The following FBXO40 variants were observed in gnomAD, a reference collection of about 807,000 sequenced individuals.
The protein encoded by FBXO40 is F-box only protein 40.
FBXO40 carries 50 observed loss-of-function variants against 49.9 expected under a neutral mutation model. The ratio of observed to expected loss-of-function variants is 1.00; its 90% CI spans 0.80 to 1.27. FBXO40 has a LOEUF of 1.27. FBXO40 is among the 50% of genes most tolerant of loss of function. The probability of loss-of-function intolerance (pLI) is 0.00; values close to 1 mark genes in which losing one functional copy is unlikely to be tolerated. For synonymous variants in FBXO40, 340 were observed against 320.2 expected, an observed-to-expected ratio of 1.06 and a Z score of -0.66; for missense variants, 895 against 870.1, an observed-to-expected ratio of 1.03 and a Z score of -0.36.
At position 121,622,179 on chromosome 3, in the gene FBXO40, GA is replaced by G; in HGVS notation, c.751del (p.Ile251PhefsTer8). 6.2e-7 allele frequency: 1 copy of G among 1,614,056 alleles called. No homozygotes were observed. On this transcript the variant is annotated frameshift_variant, in exon 3 of 4. Coordinates refer to ENST00000338040, the MANE Select transcript of FBXO40 (RefSeq NM_016298.4). LOFTEE classifies it high-confidence loss of function. ...ACAAGAATGACTCCGAGAAAGAACA[GA>G]TTTCCAGTGGCCATAACATGGTAGA... ...KNKNDSEKEQ[I>X]SSGHNMVEGE... is the part of the protein sequence containing the mutation.
At chr3:121,612,256 A>T (rs116127357) in intron 1 of FBXO40, among the ~76,000 whole-genome samples, 1 of 152,306 alleles carries the variant, frequency 6.6e-6, no homozygotes, top group Non-Finnish European at 1.5e-5. Context: ...TCCTGAAGAC[A>T]GCAAAGAGTC....
At chr3:121,615,469 CA>C (rs2048992252) in intron 1 of FBXO40, among the ~76,000 whole-genome samples, 1 of 148,658 alleles carries the variant, frequency 6.7e-6, no homozygotes, top group Non-Finnish European at 1.5e-5. Context: ...GTGGGAGAAT[CA>C]TTTGAACCCG....
intron 1 of FBXO40, among the ~76,000 whole-genome samples, chr3:121,614,256 C>T (rs868797723): frequency 1.7e-5 from 2 of 120,392 alleles, no homozygotes; most frequent in African/African-American, 6.7e-5. Flanking sequence ...GGTGACAGAG[C>T]GAGACTCTAG....
chr3:121,606,930 T>C (rs564960180), intron 1 of FBXO40, among the ~76,000 whole-genome samples: 1 of 152,200 alleles, frequency 6.6e-6, no homozygotes, highest in Admixed American at 6.5e-5. Context: ...TACTTTGCAA[T>C]CTTTCAGGTA....
At chr3:121,619,833 T>C (rs1020745345) in intron 1 of FBXO40, among the ~76,000 whole-genome samples, 4 of 152,098 alleles carry the variant, frequency 2.6e-5, no homozygotes, top group African/African-American at 9.7e-5. Flanking sequence ...CTAAACCATA[T>C]CACAGCTCAC....
chr3:121,622,358 A>G lies in FBXO40; in HGVS notation c.929A>G (p.Tyr310Cys). 6.2e-7 allele frequency: 1 copy of G among 1,614,238 alleles called. No individual in the cohort carries two copies. The highest frequency in any genetic ancestry group is 8.5e-7 in the Non-Finnish European group (1 of 1,180,040). Residue 310 changes from tyrosine (Y) to cysteine (C), a missense_variant, in exon 3 of 4, where the codon TAT (tyrosine) becomes TGT (cysteine). Coordinates refer to ENST00000338040, the MANE Select transcript of FBXO40 (RefSeq NM_016298.4). ...GTGGATGCAAAGGACTATAACATGT[A>G]TCTAGTGCACAATGGGCGGATGCTG... ...TAVDAKDYNM[Y>C]LVHNGRMLIH...
rs760584868 is a variant in FBXO40 at position 121,622,978 on chromosome 3, G to T, written c.1549G>T (p.Gly517Ter). Residue 517 changes from glycine to a stop codon, truncating the protein, a stop_gained, in exon 3 of 4, where the codon GGA becomes TGA. Coordinates refer to ENST00000338040, the MANE Select transcript of FBXO40 (RefSeq NM_016298.4). LOFTEE classifies it high-confidence loss of function. ...GCATCGATGCCCCCTCGCCTACTTG[G>T]GATGTACATTTGTTCAAAACCATTT... ...FQHRCPLAYLGCTFVQNHFRP... is the reference protein window; with the variant it reads ...FQHRCPLAYL The T allele has an allele frequency of 1.9e-6, 3 of 1,614,122 alleles. No individual in the cohort carries two copies. The highest frequency in any genetic ancestry group is 4.5e-5 in the East Asian group (2 of 44,880).
Position 121,622,589 on chromosome 3 carries a change from T to C in FBXO40, c.1160T>C (p.Val387Ala). 1 of 1,614,230 alleles carries C rather than the reference T, an allele frequency of 6.2e-7. No individual in the cohort carries two copies. The highest frequency in any genetic ancestry group is 8.5e-7 in the Non-Finnish European group (1 of 1,180,040). ...GATACTTCAGATTTGGGGATCACTG[T>C]GGAGGACCTGCCCAAATCAGATCTC... The part of the protein sequence containing the change: ...AVDTSDLGIT[V>A]EDLPKSDLIK... Residue 387 changes from valine to alanine, a missense_variant, in exon 3 of 4, where the codon GTG becomes GCG. Physicochemically the swap from Val to Ala is moderately conservative, Grantham distance 64. Transcript: ENST00000338040.
intron 1 of FBXO40, among the ~76,000 whole-genome samples, chr3:121,597,685 A>C (rs529162794): frequency 2.8e-4 from 37 of 131,098 alleles, no homozygotes; most frequent in African/African-American, 1.1e-3. Flanking sequence ...TTTTTGAGAC[A>C]GAATTTCACT....
intron 1 of FBXO40, among the ~76,000 whole-genome samples, chr3:121,602,303 G>A (rs2048904751): frequency 6.6e-6 from 1 of 151,990 alleles, no homozygotes; most frequent in African/African-American, 2.4e-5. Flanking sequence ...TCACAAATCT[G>A]CATCTCCACA....
intron 1 of FBXO40, among the ~76,000 whole-genome samples, chr3:121,610,657 C>A (rs1330269009): frequency 6.6e-6 from 1 of 151,984 alleles, no homozygotes. Flanking sequence ...TTTTTTTCCT[C>A]AAGACGGAGT....
chr3:121,618,992 TTTTG>T (rs751073342), intron 1 of FBXO40, among the ~76,000 whole-genome samples: 9 of 151,730 alleles, frequency 5.9e-5, no homozygotes, highest in South Asian at 4.2e-4. Context: ...TAAAATGGTT[TTTTG>T]TTTGTTTGTT....
chr3:121,606,340 T>C (rs1219180439), intron 1 of FBXO40, among the ~76,000 whole-genome samples: 1 of 152,182 alleles, frequency 6.6e-6, no homozygotes, highest in East Asian at 1.9e-4. Flanking sequence ...TGGGGCTCCA[T>C]AAGAAACAGG....
intron 1 of FBXO40, among the ~76,000 whole-genome samples, chr3:121,606,462 G>C (rs940385790): frequency 7.9e-5 from 12 of 152,212 alleles, no homozygotes; most frequent in African/African-American, 2.4e-4. Flanking sequence ...CTGGTCACTA[G>C]AGACCCTTCC....
At chr3:121,626,563 G>T (rs950460621) in intron 3 of FBXO40, 132 bp from the exon 4 acceptor site, 1 of 787,426 alleles carries the variant, frequency 1.3e-6, no homozygotes, top group South Asian at 1.6e-5. Context: ...CCAAATGTCT[G>T]CAGGAGCCAC....
At chr3:121,597,500 A>G (rs2048878280) in intron 1 of FBXO40, among the ~76,000 whole-genome samples, 1 of 152,068 alleles carries the variant, frequency 6.6e-6, no homozygotes, top group Non-Finnish European at 1.5e-5. Context: ...AAATGGAAAG[A>G]CCAGACATGG....
chr3:121,627,952 A>AT lies in FBXO40; in HGVS notation c.*1043dup, dbSNP rs2049071669. ...CCATTGGGGTCTTGGAGAGGAAGAC[A>AT]TGTGAACATAACGGCTCCCTGAAAT... On this transcript the variant is annotated 3_prime_UTR_variant, in exon 4 of 4. Coordinates refer to ENST00000338040, the MANE Select transcript of FBXO40 (RefSeq NM_016298.4). 17 of 398,676 alleles carry AT rather than the reference A, an allele frequency of 4.3e-5. No homozygotes were observed. The highest frequency in any genetic ancestry group is 1.3e-3 in the Middle Eastern group (2 of 1,588). 24.7% of individuals were successfully genotyped at this position (398,676 alleles called of 1,614,324 possible).
intron 1 of FBXO40, among the ~76,000 whole-genome samples, chr3:121,599,672 ATG>A (rs1491316675): frequency 2.8e-4 from 22 of 78,654 alleles, no homozygotes; most frequent in South Asian, 1.3e-3. Context: ...ACACACACAC[ATG>A]CACACACACA....
intron 1 of FBXO40, among the ~76,000 whole-genome samples, chr3:121,604,161 C>G (rs3845865): frequency 0.91 from 138,371 of 152,214 alleles, 62,988 homozygotes; most frequent in African/African-American, 0.96. Context: ...TGCTGAGAAA[C>G]GTCATTGATG....
Sources: allele counts gnomAD v4.1 joint callset (sites outside exome capture counted in the v4.1 genomes callset), GRCh38; gene constraint gnomAD v4.1.1; transcripts MANE v1.5; gene names NCBI Gene and HGNC (gene_info 2026-07-23, HGNC 2026-07-21).